FXYD3: variants seen among roughly 807,000 people sequenced by gnomAD.
FXYD3 encodes the protein FXYD domain-containing ion transport regulator 3.
FXYD3 carries 13 observed loss-of-function variants against 19.2 expected under a neutral mutation model. The ratio of observed to expected loss-of-function variants is 0.68; its 90% CI spans 0.44 to 1.08. FXYD3 has a LOEUF of 1.08. Ranked by LOEUF, FXYD3 falls within the 50% of genes least tolerant of loss-of-function variation. The probability of loss-of-function intolerance (pLI) is 0.00; values close to 1 mark genes in which losing one functional copy is unlikely to be tolerated. For synonymous variants in FXYD3, 48 were observed against 38.9 expected, an observed-to-expected ratio of 1.23 and a Z score of -0.87; for missense variants, 101 against 109.4, an observed-to-expected ratio of 0.92 and a Z score of 0.34.
intron 5 of FXYD3, 127 bp downstream of exon 5, chr19:35,121,372 G>A: frequency 6.2e-7 from 1 of 1,608,518 alleles, no homozygotes; most frequent in South Asian, 1.1e-5. Flanking sequence ...CTAGGATGGG[G>A]TTACTGAATA....
At chr19:35,117,587 T>C (rs2064921406) in intron 2 of FXYD3, among the ~76,000 whole-genome samples, 1 of 151,678 alleles carries the variant, frequency 6.6e-6, no homozygotes, top group African/African-American at 2.4e-5. Flanking sequence ...CGTATGGTCA[T>C]GGGTGACAGC....
At chr19:35,120,056 T>C (rs10414555) in intron 3 of FXYD3, among the ~76,000 whole-genome samples, 1 of 151,752 alleles carries the variant, frequency 6.6e-6, no homozygotes, top group Admixed American at 6.6e-5. Context: ...ATAACTGCCC[T>C]GCCAGTTCTC....
intron 2 of FXYD3, among the ~76,000 whole-genome samples, chr19:35,117,655 C>A (rs1052394586): frequency 6.6e-6 from 1 of 151,110 alleles, no homozygotes; most frequent in African/African-American, 2.4e-5. Context: ...GCCATCCTGC[C>A]CACCCACCCA....
chr19:35,119,648 T>TATTG, intron 3 of FXYD3: 1 of 480,166 alleles, frequency 2.1e-6, no homozygotes, highest in Non-Finnish European at 3.6e-6. Context: ...CTCTTCTTTT[T>TATTG]TTTTGGCTTT....
At chr19:35,117,058 T>C (rs1400501749) in intron 2 of FXYD3, 2 of 985,046 alleles carry the variant, frequency 2.0e-6, no homozygotes, top group East Asian at 1.1e-4. Flanking sequence ...TGGGACCTCA[T>C]GGCCAGGAAG....
chr19:35,121,321 G>A, intron 5 of FXYD3, 76 bp downstream of exon 5: 6 of 1,614,112 alleles, frequency 3.7e-6, no homozygotes, highest in Non-Finnish European at 5.1e-6. Context: ...ATACAGGGTT[G>A]GGGCCTGACG....
chr19:35,116,430 C>T, intron 2 of FXYD3, 71 bp downstream of exon 2: 1 of 871,542 alleles, frequency 1.1e-6, no homozygotes, highest in Non-Finnish European at 1.3e-6. Context: ...ATCTACCTGC[C>T]CCCTGACCCT....
intron 5 of FXYD3, chr19:35,121,638 C>T (rs989088400): frequency 1.9e-5 from 16 of 834,046 alleles, no homozygotes; most frequent in African/African-American, 5.2e-5. Context: ...CCTCTCCACG[C>T]TCCTCATTCC....
At chr19:35,120,884 G>A (rs971108345) in intron 3 of FXYD3, among the ~76,000 whole-genome samples, 194 bp from the exon 4 acceptor site, 8 of 152,252 alleles carry the variant, frequency 5.3e-5, no homozygotes, top group African/African-American at 1.4e-4. Context: ...GGCGTGACTC[G>A]GAGGTGTGGG....
intron 2 of FXYD3, 159 bp downstream of exon 2, chr19:35,116,518 C>A: frequency 1.0e-6 from 1 of 985,452 alleles, no homozygotes; most frequent in Non-Finnish European, 1.2e-6. Flanking sequence ...AAACGGAAGT[C>A]CCTTCCCCTA....
At chr19:35,119,681 G>GT (rs11409837) in intron 3 of FXYD3, 402,079 of 537,728 alleles carry the variant, frequency 0.75, 152,963 homozygotes, top group South Asian at 0.79. Flanking sequence ...TTTTGTTTTT[G>GT]TTTTTGTTTT....
chr19:35,122,329 A>G (rs2065060761), intron 5 of FXYD3, among the ~76,000 whole-genome samples: 1 of 151,966 alleles, frequency 6.6e-6, no homozygotes, highest in African/African-American at 2.4e-5. Flanking sequence ...TAATTTTTGT[A>G]TTTTTAGTAA....
intron 2 of FXYD3, chr19:35,118,388 C>T: frequency 2.5e-6 from 1 of 394,790 alleles, no homozygotes; most frequent in Non-Finnish European, 3.4e-6. Context: ...ATTATGATAA[C>T]TATGCACTCA....
chr19:35,120,203 G>T (rs917182535), intron 3 of FXYD3, among the ~76,000 whole-genome samples: 1 of 150,210 alleles, frequency 6.7e-6, no homozygotes, highest in East Asian at 1.9e-4. Flanking sequence ...GCAGTGGCAT[G>T]ATCTCGGCTC....
chr19:35,122,684 C>T, intron 5 of FXYD3, 81 bp from the exon 6 acceptor site: 2 of 1,142,824 alleles, frequency 1.8e-6, no homozygotes, highest in South Asian at 1.2e-5. Flanking sequence ...CTAGGTGCTC[C>T]ATATATATTT....
chr19:35,123,085 T>C, intron 7 of FXYD3, 131 bp downstream of exon 7: 1 of 1,458,252 alleles, frequency 6.9e-7, no homozygotes, highest in East Asian at 2.5e-5. Context: ...ATTTCCAGGT[T>C]TATTGTTTCT....
Position 35,123,319 on chromosome 19 carries a change from G to A in FXYD3, c.247+11G>A. 6.2e-7 allele frequency: 1 copy of A among 1,611,072 alleles called. No homozygotes were observed. Among genetic ancestry groups the A allele is most frequent in the Non-Finnish European group, 8.5e-7 (1 of 1,178,412 alleles). ...CTCTCATCACCCCAGGTAAGATGGG[G>A]CAGCATGGGGCTCAGGGGAACACGG... On this transcript the variant is annotated intron_variant, in intron 8 of 8. Transcript: ENST00000604404.
intron 2 of FXYD3, chr19:35,117,433 G>A: frequency 7.3e-7 from 1 of 1,362,760 alleles, no homozygotes; most frequent in East Asian, 3.0e-5. Context: ...GAATTTGCAG[G>A]GGTTACAGGA....
chr19:35,117,356 G>A, intron 2 of FXYD3: 1 of 1,507,918 alleles, frequency 6.6e-7, no homozygotes, highest in East Asian at 2.6e-5. Context: ...GCTTGGAGGA[G>A]CCCCTGGAAA....
Sources: allele counts gnomAD v4.1 joint callset (sites outside exome capture counted in the v4.1 genomes callset), GRCh38; gene constraint gnomAD v4.1.1; transcripts MANE v1.5; gene names NCBI Gene and HGNC (gene_info 2026-07-23, HGNC 2026-07-21).